FRMD4B: variants seen among roughly 807,000 people sequenced by gnomAD.
The protein encoded by FRMD4B is FERM domain-containing protein 4B.
In FRMD4B, 74 loss-of-function variants were observed where a neutral mutation model predicts 141.5. That is an observed-to-expected ratio of 0.52 (90% CI 0.43 to 0.63). FRMD4B has a LOEUF of 0.63. Ranked by LOEUF, FRMD4B falls within the 30% of genes least tolerant of loss-of-function variation. FRMD4B has a pLI of 0.00. For missense variants in FRMD4B, 1,366 were observed against 1,253.4 expected (o/e 1.09, Z -1.36); for synonymous variants, 506 against 467.9 (o/e 1.08, Z -1.05).
At chr3:69,281,834 A>ATATAT (rs66485150) in intron 5 of FRMD4B, among the ~76,000 whole-genome samples, 64 of 71,576 alleles carry the variant, frequency 8.9e-4, no homozygotes, top group African/African-American at 2.5e-3. Context: ...AAAAAAAAAA[A>ATATAT]AAAAATATAT....
At chr3:69,219,327 C>A in intron 9 of FRMD4B, among the ~76,000 whole-genome samples, 1 of 151,034 alleles carries the variant, frequency 6.6e-6, no homozygotes, top group Non-Finnish European at 1.5e-5. Context: ...CCTGTTTTAA[C>A]GCAAGTAGAC....
rs1393416149 is a variant in FRMD4B, at chr3:69,320,146, G to A, written c.163-6629C>T. Among the ~76,000 whole-genome samples, 6 of 152,154 alleles carry A rather than the reference G, an allele frequency of 3.9e-5. No homozygotes were observed. The South Asian group carries it at 6.2e-4, about 16-fold the overall frequency. On this transcript the variant is annotated intron_variant, in intron 1 of 22. Coordinates refer to ENST00000398540, the MANE Select transcript of FRMD4B (RefSeq NM_015123.3). ...AGGACTCTGACTCCCAGGCTACAGC[G>A]TAAGTGACCTGAACAAGGTTACTCA...
At chr3:69,403,375 T>C (rs1175549353) in intron 2 of FRMD4B, among the ~76,000 whole-genome samples, 1 of 152,202 alleles carries the variant, frequency 6.6e-6, no homozygotes, top group Non-Finnish European at 1.5e-5. Context: ...TGGGCAGTTA[T>C]TTTCATTAAC....
intron 1 of FRMD4B, among the ~76,000 whole-genome samples, chr3:69,477,059 C>T (rs1706014505): frequency 6.6e-6 from 1 of 152,058 alleles, no homozygotes; most frequent in African/African-American, 2.4e-5. Context: ...GATTTTGTAT[C>T]CTGAGACTTT....
intron 1 of FRMD4B, among the ~76,000 whole-genome samples, chr3:69,377,803 ACTT>A (rs577280739): frequency 5.6e-4 from 79 of 142,148 alleles, no homozygotes; most frequent in Middle Eastern, 3.7e-3. Flanking sequence ...GCTTAATCCT[ACTT>A]CTTCTTCTTC....
chr3:69,323,440 A>G (rs1396223410), intron 1 of FRMD4B, among the ~76,000 whole-genome samples: 1 of 151,460 alleles, frequency 6.6e-6, no homozygotes, highest in Non-Finnish European at 1.5e-5. Flanking sequence ...ATGGTAGCGC[A>G]TGCTGTAATC....
intron 5 of FRMD4B, among the ~76,000 whole-genome samples, chr3:69,270,693 G>C (rs920521328): frequency 9.2e-5 from 14 of 151,512 alleles, no homozygotes; most frequent in African/African-American, 3.4e-4. Context: ...AGCCTCCCGA[G>C]TAGCTGGGAC....
At chr3:69,360,928 T>C (rs1703453707) in intron 1 of FRMD4B, among the ~76,000 whole-genome samples, 1 of 152,170 alleles carries the variant, frequency 6.6e-6, no homozygotes, top group Admixed American at 6.5e-5. Context: ...CCTTACTTAC[T>C]AGTGAGAATA....
Position 69,386,014 on chromosome 3 carries a change from G to C in FRMD4B, c.-25C>G, listed in dbSNP as rs1575782029. The C allele has an allele frequency of 6.5e-7, 1 of 1,544,650 alleles. No individual in the cohort carries two copies. Among genetic ancestry groups the C allele is most frequent in the East Asian group, 2.4e-5 (1 of 40,918 alleles). On this transcript the variant is annotated 5_prime_UTR_variant, in exon 1 of 23. Transcript: ENST00000398540. ...TGCCTCCTCCTTCGCTCTGAACCCG[G>C]GCGTCCCGGCTCTCGTACGTGCAGC...
chr3:69,370,862 C>T (rs1238259141), intron 1 of FRMD4B, among the ~76,000 whole-genome samples: 1 of 152,216 alleles, frequency 6.6e-6, no homozygotes, highest in East Asian at 1.9e-4. Flanking sequence ...GTGGCTGGAG[C>T]AGGCTTCTTA....
At chr3:69,503,548 G>A (rs1441476416) in intron 1 of FRMD4B, among the ~76,000 whole-genome samples, 3 of 100,012 alleles carry the variant, frequency 3.0e-5, no homozygotes, top group African/African-American at 7.9e-5. Flanking sequence ...GGTGGGGGGA[G>A]GGGGGAGGGA....
intron 5 of FRMD4B, among the ~76,000 whole-genome samples, chr3:69,282,352 G>C (rs546780292): frequency 1.3e-5 from 2 of 152,218 alleles, no homozygotes; most frequent in Non-Finnish European, 1.5e-5. Flanking sequence ...GTGTGGAGGG[G>C]GGGCCCGTTC....
chr3:69,418,412 C>G (rs1704910055), intron 2 of FRMD4B, among the ~76,000 whole-genome samples: 1 of 152,104 alleles, frequency 6.6e-6, no homozygotes, highest in African/African-American at 2.4e-5. Context: ...GTAGCCAGGG[C>G]TTGTATCTGC....
intron 5 of FRMD4B, among the ~76,000 whole-genome samples, chr3:69,270,175 C>G (rs555270637): frequency 6.6e-6 from 1 of 152,204 alleles, no homozygotes; most frequent in Non-Finnish European, 1.5e-5. Flanking sequence ...GTCACCAAAC[C>G]CAGCTCTCTC....
At chr3:69,229,014 T>TG (rs889608293) in intron 7 of FRMD4B, among the ~76,000 whole-genome samples, 2 of 82,248 alleles carry the variant, frequency 2.4e-5, no homozygotes, top group African/African-American at 3.5e-5. Flanking sequence ...CTCAAAATCA[T>TG]GTTTTTTTTT....
intron 1 of FRMD4B, among the ~76,000 whole-genome samples, chr3:69,340,746 T>C (rs1702712313): frequency 6.6e-6 from 1 of 152,224 alleles, no homozygotes; most frequent in South Asian, 2.1e-4. Context: ...TAGCTCTTAT[T>C]ATGAGTGTTA....
intron 2 of FRMD4B, among the ~76,000 whole-genome samples, chr3:69,410,726 A>ATATATAT (rs1704742541): frequency 7.0e-5 from 6 of 86,288 alleles, no homozygotes; most frequent in South Asian, 3.8e-4. Flanking sequence ...TAAATAAATA[A>ATATATAT]ATATATATAT....
intron 1 of FRMD4B, among the ~76,000 whole-genome samples, chr3:69,466,988 C>T (rs1705801047): frequency 6.6e-6 from 1 of 152,174 alleles, no homozygotes; most frequent in South Asian, 2.1e-4. Flanking sequence ...AGGCTTGAGC[C>T]ACTGTGCCCG....
intron 1 of FRMD4B, among the ~76,000 whole-genome samples, chr3:69,442,055 A>T (rs1705351008): frequency 6.6e-6 from 1 of 151,772 alleles, no homozygotes. Context: ...TATCTAATCT[A>T]TCTCAGATTA....
Sources: gnomAD v4.1 joint callset for allele counts (sites outside exome capture counted in the v4.1 genomes callset) on GRCh38, gnomAD v4.1.1 for gene constraint, MANE v1.5 for transcripts, NCBI Gene and HGNC (gene_info 2026-07-23, HGNC 2026-07-21) for gene names.